Variants in TRIO observed in about 807,000 individuals in gnomAD.
The protein encoded by TRIO is trio Rho guanine nucleotide exchange factor.
In TRIO, 58 loss-of-function variants were observed where a neutral mutation model predicts 351.9. The observed-to-expected ratio is 0.16, with a 90% CI of 0.13 to 0.21. The LOEUF (loss-of-function observed/expected upper bound fraction) is 0.21, where lower values mean the gene tolerates loss of function less well. Ranked by LOEUF, TRIO falls within the 10% of genes least tolerant of loss-of-function variation. The probability of loss-of-function intolerance (pLI) is 1.00; values close to 1 mark genes in which losing one functional copy is unlikely to be tolerated. For missense variants in TRIO, 3,201 were observed against 4,027.8 expected, an observed-to-expected ratio of 0.79 and a Z score of 5.56; for synonymous variants, 1,758 against 1,595.7, an observed-to-expected ratio of 1.10 and a Z score of -2.42.
At chr5:14,420,096 C>A (rs1454811279) in intron 34 of TRIO, 75 bp downstream of exon 34, 2 of 1,557,726 alleles carry the variant, frequency 1.3e-6, no homozygotes, top group African/African-American at 1.4e-5. Context: ...CGCGCCTCTC[C>A]TGCCTGTTAA....
At chr5:14,327,934 A>C (rs1277917082) in intron 9 of TRIO, among the ~76,000 whole-genome samples, 1 of 152,250 alleles carries the variant, frequency 6.6e-6, no homozygotes, top group Non-Finnish European at 1.5e-5. Context: ...TGGGACAAAC[A>C]ACTCAGCAAC....
chr5:14,243,813 C>T (rs991212776), intron 1 of TRIO, among the ~76,000 whole-genome samples: 3 of 152,124 alleles, frequency 2.0e-5, no homozygotes, highest in African/African-American at 2.4e-5. Context: ...TATAGGCATG[C>T]CAATAGCCTA....
chr5:14,302,921 G>C, intron 7 of TRIO, among the ~76,000 whole-genome samples: 1 of 152,228 alleles, frequency 6.6e-6, no homozygotes, highest in Admixed American at 6.5e-5. Context: ...TCTTAACTGT[G>C]ATGGATTTCG....
chr5:14,303,093 A>G (rs562369652), intron 7 of TRIO, among the ~76,000 whole-genome samples: 134 of 133,972 alleles, frequency 1.0e-3, no homozygotes, highest in Middle Eastern at 4.1e-3. Flanking sequence ...TTGAGCCGGG[A>G]TTGGGATGGC....
intron 34 of TRIO, among the ~76,000 whole-genome samples, chr5:14,437,540 T>C (rs1012275571): frequency 2.0e-5 from 3 of 152,140 alleles, no homozygotes; most frequent in African/African-American, 7.2e-5. Flanking sequence ...TTCTGGAGAC[T>C]GAGAGTTAGA....
chr5:14,493,120 T>C (rs1211103763), intron 49 of TRIO, among the ~76,000 whole-genome samples: 2 of 151,966 alleles, frequency 1.3e-5, no homozygotes, highest in African/African-American at 4.9e-5. Flanking sequence ...TTTGTTTGTT[T>C]GTTTAAGAAA....
At position 14,365,189 on chromosome 5, in the gene TRIO, C is replaced by T. The variant is rs573389051; in HGVS notation, c.2754+373C>T. ...GTTAGGATCTGGATTGTTTCTCAGACTCCAGATGCCTGGGGCATTTCTTTT... is the reference window on the plus strand; with the variant it reads ...GTTAGGATCTGGATTGTTTCTCAGATTCCAGATGCCTGGGGCATTTCTTTT... On this transcript the variant is annotated intron_variant, in intron 15 of 56. Transcript: ENST00000344204. Among the ~76,000 whole-genome samples, 23 of 152,332 alleles carry T rather than the reference C, an allele frequency of 1.5e-4. No homozygotes were observed. In the South Asian group the frequency reaches 4.6e-3, roughly 30 times the overall value.
intron 9 of TRIO, among the ~76,000 whole-genome samples, chr5:14,328,367 G>A (rs867067335): frequency 7.2e-5 from 11 of 152,088 alleles, no homozygotes; most frequent in African/African-American, 2.7e-4. Context: ...CAATGCACTC[G>A]TTAAAGTAAT....
intron 1 of TRIO, among the ~76,000 whole-genome samples, chr5:14,158,339 C>A (rs532761959): frequency 6.6e-6 from 1 of 151,562 alleles, no homozygotes; most frequent in African/African-American, 2.4e-5. Context: ...GCAGAAGAAG[C>A]GCTTGAACCC....
chr5:14,393,239 G>T (rs1423634056), intron 27 of TRIO, among the ~76,000 whole-genome samples: 1 of 151,354 alleles, frequency 6.6e-6, no homozygotes, highest in Non-Finnish European at 1.5e-5. Context: ...ACTGGGGCCT[G>T]TCGGGGGGTG....
At chr5:14,267,509 G>A (rs1795752782) in intron 1 of TRIO, among the ~76,000 whole-genome samples, 1 of 152,138 alleles carries the variant, frequency 6.6e-6, no homozygotes, top group African/African-American at 2.4e-5. Context: ...AAAGTATTAG[G>A]AGTTGAGTCT....
chr5:14,188,425 G>A (rs1019039104), intron 1 of TRIO, among the ~76,000 whole-genome samples: 1 of 152,142 alleles, frequency 6.6e-6, no homozygotes, highest in African/African-American at 2.4e-5. Context: ...CTAGTTCTTG[G>A]CCCATTCTCT....
intron 48 of TRIO, chr5:14,488,826 G>T (rs1454565001): frequency 1.5e-6 from 1 of 670,772 alleles, no homozygotes; most frequent in Non-Finnish European, 2.7e-6. Flanking sequence ...TTACGTCACC[G>T]TGTTGCTCTG....
chr5:14,319,157 T>C (rs978284186), intron 9 of TRIO, among the ~76,000 whole-genome samples: 2 of 152,218 alleles, frequency 1.3e-5, no homozygotes, highest in Admixed American at 6.5e-5. Flanking sequence ...CATATTGGCT[T>C]GGATGTCAGC....
At chr5:14,401,285 A>C (rs1748048215) in intron 31 of TRIO, among the ~76,000 whole-genome samples, 2 of 152,234 alleles carry the variant, frequency 1.3e-5, no homozygotes, top group South Asian at 4.1e-4. Context: ...TGACTCCTGA[A>C]AGGGCAAATG....
intron 7 of TRIO, among the ~76,000 whole-genome samples, chr5:14,304,064 A>G (rs1259722813): frequency 6.6e-6 from 1 of 152,188 alleles, no homozygotes; most frequent in East Asian, 1.9e-4. Flanking sequence ...GCCCTAGTTA[A>G]GGGGCACGTG....
intron 34 of TRIO, among the ~76,000 whole-genome samples, chr5:14,446,316 G>A (rs868092656): frequency 3.9e-5 from 6 of 152,112 alleles, no homozygotes; most frequent in Middle Eastern, 3.2e-3. Context: ...ACCCCATGTG[G>A]GATACATGGA....
At chr5:14,328,429 A>G (rs991542757) in intron 9 of TRIO, among the ~76,000 whole-genome samples, 4 of 152,248 alleles carry the variant, frequency 2.6e-5, no homozygotes, top group African/African-American at 7.2e-5. Flanking sequence ...TATTTAAAAC[A>G]ATGTGCTCAA....
At chr5:14,201,087 GTC>G (rs375299831) in intron 1 of TRIO, among the ~76,000 whole-genome samples, 86 of 152,114 alleles carry the variant, frequency 5.7e-4, no homozygotes, top group African/African-American at 2.0e-3. Context: ...GAGAAACTCC[GTC>G]TCTACTAAAA....
Sources: gnomAD v4.1 joint callset for allele counts (sites outside exome capture counted in the v4.1 genomes callset) on GRCh38, gnomAD v4.1.1 for gene constraint, MANE v1.5 for transcripts, NCBI Gene and HGNC (gene_info 2026-07-23, HGNC 2026-07-21) for gene names.